ZFAND3: variants seen among roughly 807,000 people sequenced by gnomAD.
The protein encoded by ZFAND3 is AN1-type zinc finger protein 3.
In ZFAND3, 10 loss-of-function variants were observed where a neutral mutation model predicts 29.6. The observed-to-expected ratio is 0.34, with a 90% CI of 0.21 to 0.57. The LOEUF (loss-of-function observed/expected upper bound fraction) is 0.57. Among genes scored for constraint, ZFAND3 ranks in the 20% least tolerant of loss-of-function variants. The pLI, the probability that ZFAND3 is intolerant of heterozygous loss-of-function variation, is 0.86. For missense variants in ZFAND3, 230 were observed against 304.5 expected (o/e 0.76, Z 1.82); for synonymous variants, 128 against 112.6 (o/e 1.14, Z -0.87).
chr6:37,930,663 C>G (rs1170607308), intron 2 of ZFAND3, among the ~76,000 whole-genome samples: 1 of 152,142 alleles, frequency 6.6e-6, no homozygotes, highest in Non-Finnish European at 1.5e-5. Flanking sequence ...CCTTTTCTAG[C>G]CCCAGAGGTA....
chr6:37,896,644 T>G (rs1765224443), intron 1 of ZFAND3, among the ~76,000 whole-genome samples: 1 of 149,340 alleles, frequency 6.7e-6, no homozygotes, highest in Non-Finnish European at 1.5e-5. Flanking sequence ...CTTCCTGCCT[T>G]CCTGCCTGCC....
intron 1 of ZFAND3, among the ~76,000 whole-genome samples, chr6:37,871,019 T>G (rs1312683115): frequency 6.6e-6 from 1 of 152,210 alleles, no homozygotes; most frequent in South Asian, 2.1e-4. Flanking sequence ...ATTTCCATCT[T>G]GTACTCCGTT....
chr6:37,893,699 G>T (rs369194565), intron 1 of ZFAND3, among the ~76,000 whole-genome samples: 2 of 152,032 alleles, frequency 1.3e-5, no homozygotes, highest in African/African-American at 2.4e-5. Flanking sequence ...GATTACAGGC[G>T]CATGCCACAA....
intron 2 of ZFAND3, among the ~76,000 whole-genome samples, chr6:37,972,856 G>T (rs1005288084): frequency 2.0e-5 from 3 of 152,114 alleles, no homozygotes; most frequent in African/African-American, 7.2e-5. Flanking sequence ...CTAGAAACAA[G>T]TGCTGTGAAG....
At chr6:38,095,461 G>T (rs755257545) in intron 4 of ZFAND3, among the ~76,000 whole-genome samples, 2 of 150,832 alleles carry the variant, frequency 1.3e-5, no homozygotes, top group African/African-American at 4.9e-5. Context: ...TTGGTTTTAC[G>T]TCACCACTTA....
intron 1 of ZFAND3, among the ~76,000 whole-genome samples, chr6:37,822,332 GA>G (rs1009911826): frequency 6.6e-6 from 1 of 152,198 alleles, no homozygotes; most frequent in Non-Finnish European, 1.5e-5. Flanking sequence ...TTTTTATCGT[GA>G]AAAGTGTTCT....
At chr6:37,846,704 A>ATTTT (rs59448343) in intron 1 of ZFAND3, among the ~76,000 whole-genome samples, 1 of 140,896 alleles carries the variant, frequency 7.1e-6, no homozygotes, top group Non-Finnish European at 1.6e-5. Flanking sequence ...TATACTTGTG[A>ATTTT]TTTTTTTTTT....
chr6:37,999,845 T>C (rs1762913476), intron 2 of ZFAND3, among the ~76,000 whole-genome samples: 2 of 152,186 alleles, frequency 1.3e-5, no homozygotes, highest in South Asian at 4.1e-4. Flanking sequence ...CTTTAGTTAA[T>C]AGGGTGTCAA....
chr6:38,151,865 T>G (rs1391963290), intron 5 of ZFAND3, among the ~76,000 whole-genome samples: 1 of 151,956 alleles, frequency 6.6e-6, no homozygotes, highest in Non-Finnish European at 1.5e-5. Flanking sequence ...GAAATCACAG[T>G]TTGCCCGAGC....
intron 2 of ZFAND3, among the ~76,000 whole-genome samples, chr6:38,058,933 G>A (rs1482726658): frequency 6.6e-6 from 1 of 152,186 alleles, no homozygotes; most frequent in African/African-American, 2.4e-5. Flanking sequence ...TTCTTACGCT[G>A]AGAATATGTC....
chr6:37,952,625 C>T (rs1041792180), intron 2 of ZFAND3, among the ~76,000 whole-genome samples: 3 of 152,062 alleles, frequency 2.0e-5, no homozygotes, highest in Non-Finnish European at 1.5e-5. Context: ...GCCACTTCTC[C>T]ATACAGCTCT....
At chr6:37,826,095 C>CAA (rs369470941) in intron 1 of ZFAND3, among the ~76,000 whole-genome samples, 1 of 145,088 alleles carries the variant, frequency 6.9e-6, no homozygotes. Flanking sequence ...CCCTCTCTTG[C>CAA]AAAAAAAAAA....
chr6:38,153,097 A>G lies in ZFAND3; in HGVS notation c.*708A>G. ...TCCACGAACGAGACCCGCCTTTTCTACACAGGATCCAAGGTCACGAGAAGC... is the reference window on the plus strand; with the variant it reads ...TCCACGAACGAGACCCGCCTTTTCTGCACAGGATCCAAGGTCACGAGAAGC... On this transcript the variant is annotated 3_prime_UTR_variant, in exon 6 of 6. Transcript: ENST00000287218. The G allele has an allele frequency of 2.0e-6, 2 of 985,566 alleles. No individual in the cohort carries two copies. The highest frequency in any genetic ancestry group is 2.4e-6 in the Non-Finnish European group (2 of 829,954). The allele number at this position is 985,566 out of a possible 1,614,324, so 61.1% of individuals were successfully genotyped here. A position where few individuals can be genotyped will look rare whatever the true frequency, so the allele number is the denominator to read the frequency against.
At chr6:37,859,013 G>A (rs1196768544) in intron 1 of ZFAND3, among the ~76,000 whole-genome samples, 1 of 152,188 alleles carries the variant, frequency 6.6e-6, no homozygotes, top group Non-Finnish European at 1.5e-5. Context: ...GTGGGAGCAG[G>A]TCAGCTACAT....
At chr6:38,130,531 G>T (rs1484701988) in intron 5 of ZFAND3, among the ~76,000 whole-genome samples, 1 of 152,102 alleles carries the variant, frequency 6.6e-6, no homozygotes, top group Non-Finnish European at 1.5e-5. Context: ...AGTGATGCTG[G>T]ATTTTGTTGA....
At chr6:37,895,008 T>C (rs966152178) in intron 1 of ZFAND3, among the ~76,000 whole-genome samples, 7 of 152,162 alleles carry the variant, frequency 4.6e-5, no homozygotes, top group South Asian at 2.1e-4. Context: ...TTTTTGTGTT[T>C]AGTTTTGTAG....
chr6:38,107,141 T>C (rs1029377759), intron 4 of ZFAND3, among the ~76,000 whole-genome samples: 7 of 152,064 alleles, frequency 4.6e-5, no homozygotes, highest in African/African-American at 1.2e-4. Flanking sequence ...AAGGAGACCA[T>C]TGGAAAGGAG....
At chr6:37,824,256 C>G (rs375182965) in intron 1 of ZFAND3, among the ~76,000 whole-genome samples, 40 of 152,250 alleles carry the variant, frequency 2.6e-4, no homozygotes, top group African/African-American at 8.9e-4. Flanking sequence ...AGTACACTTT[C>G]TTTAGATGAA....
At chr6:37,983,397 C>T (rs2127433222) in intron 2 of ZFAND3, among the ~76,000 whole-genome samples, 1 of 108,924 alleles carries the variant, frequency 9.2e-6, no homozygotes, top group Non-Finnish European at 1.7e-5. Flanking sequence ...GCTCTTGTTG[C>T]CTAGGCTGGA....
Sources: gnomAD v4.1 joint callset for allele counts (sites outside exome capture counted in the v4.1 genomes callset) on GRCh38, gnomAD v4.1.1 for gene constraint, MANE v1.5 for transcripts, NCBI Gene and HGNC (gene_info 2026-07-23, HGNC 2026-07-21) for gene names.